SEPTIN10: variants seen among roughly 807,000 people sequenced by gnomAD.
The protein encoded by SEPTIN10 is septin 10.
SEPTIN10 carries 66 observed loss-of-function variants against 54.8 expected under a neutral mutation model. The ratio of observed to expected loss-of-function variants is 1.21; its 90% confidence interval spans 0.99 to 1.48. The LOEUF (loss-of-function observed/expected upper bound fraction) is 1.48. Ranked by LOEUF, SEPTIN10 falls within the 40% of genes most tolerant of loss-of-function variation. The pLI, the probability that SEPTIN10 is intolerant of heterozygous loss-of-function variation, is 0.00. For missense variants in SEPTIN10, 620 were observed against 545.6 expected, an observed-to-expected ratio of 1.14 and a Z score of -1.36; for synonymous variants, 161 against 181.0, an observed-to-expected ratio of 0.89 and a Z score of 0.89.
At chr2:109,596,175 G>A (rs1558870243) in intron 1 of SEPTIN10, among the ~76,000 whole-genome samples, 1 of 152,054 alleles carries the variant, frequency 6.6e-6, no homozygotes, top group African/African-American at 2.4e-5. Context: ...GGGCCTACAG[G>A]CATGCACCAC....
In SEPTIN10 at chr2:109,545,870, G is replaced by A. The variant is rs542173222; in HGVS notation, c.1349+180C>T. The A allele has an allele frequency of 4.2e-6, 6 of 1,445,512 alleles. No individual in the cohort carries two copies. In the South Asian group the frequency reaches 9.1e-5, roughly 22 times the overall value. 89.5% of individuals were successfully genotyped at this position (1,445,512 alleles called of 1,614,324 possible). A position where few individuals can be genotyped will look rare whatever the true frequency, so the allele number is the denominator to read the frequency against. On this transcript the variant is annotated intron_variant, in intron 10 of 10. Coordinates refer to ENST00000397712, the MANE Select transcript of SEPTIN10 (RefSeq NM_144710.5). ...ATAACATGTGCCAGGTGCTGTTCTG[G>A]ATGCTGGGGAAACAGCAGTGAACAA...
At chr2:109,553,853 C>CAA (rs796185454) in intron 8 of SEPTIN10, among the ~76,000 whole-genome samples, 5 of 105,524 alleles carry the variant, frequency 4.7e-5, no homozygotes, top group East Asian at 2.7e-4. Context: ...GACTCTGTCT[C>CAA]AAAAAAAAAA....
intron 9 of SEPTIN10, among the ~76,000 whole-genome samples, chr2:109,551,145 A>G (rs966114471): frequency 6.6e-6 from 1 of 152,208 alleles, no homozygotes; most frequent in Non-Finnish European, 1.5e-5. Flanking sequence ...TGGAGACATC[A>G]TTTGTTCTGT....
intron 8 of SEPTIN10, among the ~76,000 whole-genome samples, chr2:109,563,750 A>G (rs1251429593): frequency 1.3e-5 from 2 of 152,326 alleles, no homozygotes; most frequent in African/African-American, 4.8e-5. Context: ...TTCCTTTATA[A>G]TATGTTTTGC....
At chr2:109,574,893 G>A (rs540080350) in intron 4 of SEPTIN10, 126 bp from the exon 5 acceptor site, 8 of 552,494 alleles carry the variant, frequency 1.4e-5, no homozygotes, top group African/African-American at 1.2e-4. Flanking sequence ...ATGCTGAACA[G>A]ATTAACTTTA....
intron 1 of SEPTIN10, among the ~76,000 whole-genome samples, chr2:109,604,161 CAAAAA>C (rs34166921): frequency 1.7e-5 from 1 of 58,670 alleles, no homozygotes. Context: ...GACTCTGCCT[CAAAAA>C]AAAAAAAAAA....
chr2:109,546,763 A>G (rs1199237187), intron 9 of SEPTIN10, among the ~76,000 whole-genome samples: 1 of 152,234 alleles, frequency 6.6e-6, no homozygotes, highest in Admixed American at 6.5e-5. Context: ...TAGTCTTTCA[A>G]TGTCCTGAGA....
chr2:109,589,765 A>G (rs1573724283), intron 2 of SEPTIN10, among the ~76,000 whole-genome samples: 1 of 152,080 alleles, frequency 6.6e-6, no homozygotes, highest in East Asian at 1.9e-4. Flanking sequence ...GGTATCCAAA[A>G]TAATGAAAAC....
chr2:109,567,435 C>T (rs944504294), intron 6 of SEPTIN10, among the ~76,000 whole-genome samples: 1 of 152,124 alleles, frequency 6.6e-6, no homozygotes, highest in African/African-American at 2.4e-5. Context: ...AAGAGACCTC[C>T]TTAAAGATTT....
chr2:109,587,127 A>C (rs958302362), intron 2 of SEPTIN10, among the ~76,000 whole-genome samples: 1 of 152,254 alleles, frequency 6.6e-6, no homozygotes, highest in East Asian at 1.9e-4. Flanking sequence ...AAGAATCTAC[A>C]GGAAAAAGAT....
chr2:109,613,290 G>A, intron 1 of SEPTIN10: 1 of 696,156 alleles, frequency 1.4e-6, no homozygotes, highest in South Asian at 2.2e-5. Flanking sequence ...GTCAAGGCGG[G>A]AAAAAAACGG....
intron 2 of SEPTIN10, among the ~76,000 whole-genome samples, chr2:109,588,094 T>C (rs28853417): frequency 0.19 from 28,101 of 151,052 alleles, 3,451 homozygotes; most frequent in Non-Finnish European, 0.27. Flanking sequence ...ATGACCCCTA[T>C]AAAATGCCCC....
At chr2:109,611,899 C>T (rs1400480053) in intron 1 of SEPTIN10, among the ~76,000 whole-genome samples, 1 of 152,178 alleles carries the variant, frequency 6.6e-6, no homozygotes, top group Non-Finnish European at 1.5e-5. Flanking sequence ...CAAAATAATA[C>T]AGCCATTCTG....
intron 5 of SEPTIN10, among the ~76,000 whole-genome samples, chr2:109,569,931 G>A (rs1558771603): frequency 6.6e-6 from 1 of 152,014 alleles, no homozygotes; most frequent in African/African-American, 2.4e-5. Flanking sequence ...GTGGCCTGGG[G>A]AGTGGCAAGA....
intron 1 of SEPTIN10, among the ~76,000 whole-genome samples, chr2:109,601,838 A>G (rs1696661519): frequency 6.6e-6 from 1 of 152,062 alleles, no homozygotes; most frequent in Non-Finnish European, 1.5e-5. Context: ...TCTACAAGTT[A>G]CTTTCTAGCA....
chr2:109,597,638 C>G (rs900851668), intron 1 of SEPTIN10, among the ~76,000 whole-genome samples: 1 of 152,064 alleles, frequency 6.6e-6, no homozygotes, highest in Non-Finnish European at 1.5e-5. Context: ...CACACACACA[C>G]AAAACCATAT....
intron 1 of SEPTIN10, among the ~76,000 whole-genome samples, chr2:109,602,898 TCTCAA>T (rs2106193291): frequency 8.6e-6 from 1 of 116,042 alleles, no homozygotes; most frequent in Admixed American, 9.7e-5. Context: ...GCAGACCCTG[TCTCAA>T]AAAAAAAAAA....
intron 1 of SEPTIN10, among the ~76,000 whole-genome samples, chr2:109,604,458 G>A (rs1383428434): frequency 2.7e-5 from 4 of 149,198 alleles, no homozygotes; most frequent in African/African-American, 9.8e-5. Context: ...CGGGCGTGGT[G>A]GCTGAGGCCT....
chr2:109,545,110 G>C (rs1465397447), intron 10 of SEPTIN10: 83 of 985,308 alleles, frequency 8.4e-5, no homozygotes, highest in Non-Finnish European at 9.9e-5. Flanking sequence ...GATGCAGTGA[G>C]AGCATTAAAC....
Sources: allele counts gnomAD v4.1 joint callset (sites outside exome capture counted in the v4.1 genomes callset), GRCh38; gene constraint gnomAD v4.1.1; transcripts MANE v1.5; gene names NCBI Gene and HGNC (gene_info 2026-07-23, HGNC 2026-07-21).